USH2A: variants seen among roughly 807,000 people sequenced by gnomAD.
The protein encoded by USH2A is usherin.
In USH2A, 443 loss-of-function variants were observed where a neutral mutation model predicts 538.9. The ratio of observed to expected loss-of-function variants is 0.82; its 90% CI spans 0.76 to 0.89. The LOEUF (loss-of-function observed/expected upper bound fraction) is 0.89. Ranked by LOEUF, USH2A falls within the 40% of genes least tolerant of loss-of-function variation. The probability of loss-of-function intolerance (pLI) is 0.00; values close to 1 mark genes in which losing one functional copy is unlikely to be tolerated. For missense variants in USH2A, 6,633 were observed against 6,324.8 expected (o/e 1.05, Z -1.65); for synonymous variants, 2,413 against 2,273.5 (o/e 1.06, Z -1.75).
intron 9 of USH2A, among the ~76,000 whole-genome samples, chr1:216,300,147 T>C (rs1045219686): frequency 6.6e-6 from 1 of 152,204 alleles, no homozygotes; most frequent in Non-Finnish European, 1.5e-5. Flanking sequence ...GTAAGTGCAT[T>C]ATAAGTAAAT....
At chr1:215,707,834 C>T (rs995364478) in intron 61 of USH2A, among the ~76,000 whole-genome samples, 18 of 152,126 alleles carry the variant, frequency 1.2e-4, no homozygotes, top group African/African-American at 4.3e-4. Flanking sequence ...GAACCAAGCA[C>T]TGAAGGTGTA....
At chr1:216,135,048 G>A (rs2102605398) in intron 21 of USH2A, among the ~76,000 whole-genome samples, 1 of 152,118 alleles carries the variant, frequency 6.6e-6, no homozygotes, top group South Asian at 2.1e-4. Flanking sequence ...ATGAAGTACT[G>A]AGAAGATGGG....
chr1:216,015,865 A>T (rs1668697609), intron 32 of USH2A, among the ~76,000 whole-genome samples: 1 of 152,184 alleles, frequency 6.6e-6, no homozygotes, highest in Admixed American at 6.5e-5. Context: ...AGGATTATAA[A>T]TCATGCTGCT....
chr1:215,825,051 G>A (rs1558115273), intron 47 of USH2A, among the ~76,000 whole-genome samples: 1 of 152,048 alleles, frequency 6.6e-6, no homozygotes, highest in Non-Finnish European at 1.5e-5. Context: ...TCATCATTTT[G>A]GAACTGGAAG....
chr1:216,035,680 A>G (rs1490034470), intron 32 of USH2A, among the ~76,000 whole-genome samples: 1 of 152,180 alleles, frequency 6.6e-6, no homozygotes, highest in Non-Finnish European at 1.5e-5. Context: ...GCCTACCTCA[A>G]TAAAATTGTT....
chr1:215,877,634 C>G, intron 43 of USH2A, 124 bp downstream of exon 43: 1 of 1,459,404 alleles, frequency 6.9e-7, no homozygotes, highest in Non-Finnish European at 9.5e-7. Context: ...AGATAATAAC[C>G]AAACATGTTT....
At chr1:215,805,069 G>C (rs147930976) in intron 49 of USH2A, among the ~76,000 whole-genome samples, 1 of 151,956 alleles carries the variant, frequency 6.6e-6, no homozygotes, top group African/African-American at 2.4e-5. Flanking sequence ...TCACTCATAG[G>C]TGGGAATTGA....
rs1002992994 is a variant in USH2A, at chr1:215,708,788, G to T, written c.12066+19242C>A. On this transcript the variant is annotated intron_variant, in intron 61 of 71. Coordinates refer to ENST00000307340, the MANE Select transcript of USH2A (RefSeq NM_206933.4). ...CCCTCCACTTACCTCCTGCTGTGTGGCTTGGTTCCCAACAGGCCACAGACC... is the reference window on the plus strand; with the variant it reads ...CCCTCCACTTACCTCCTGCTGTGTGTCTTGGTTCCCAACAGGCCACAGACC... Among the ~76,000 whole-genome samples the T allele has an allele frequency of 3.9e-5, 6 of 152,124 alleles. No homozygotes were observed. In the South Asian group the frequency reaches 1.2e-3, roughly 32 times the overall value.
intron 21 of USH2A, among the ~76,000 whole-genome samples, chr1:216,113,153 AAAAC>A (rs1296670073): frequency 2.0e-4 from 27 of 133,882 alleles, no homozygotes; most frequent in East Asian, 6.0e-4. Flanking sequence ...AAAAAAAAAA[AAAAC>A]AAAACAAGAA....
At position 216,422,477 on chromosome 1, in the gene USH2A, C is replaced by T. The variant is rs2039696426; in HGVS notation, c.-141G>A. Reference sequence around the variant, plus strand: ...ATTTTCTGGAAACTGCAGACACGTTCTCAGAGTAAGGTAATACCAACGACG... The same window carrying T: ...ATTTTCTGGAAACTGCAGACACGTTTTCAGAGTAAGGTAATACCAACGACG... On this transcript the variant is annotated 5_prime_UTR_variant, in exon 2 of 72. Coordinates refer to ENST00000307340, the MANE Select transcript of USH2A (RefSeq NM_206933.4). 5 of 1,268,430 alleles carry T rather than the reference C, an allele frequency of 3.9e-6. No individual in the cohort carries two copies. The Admixed American group carries it at 8.1e-5, about 21-fold the overall frequency. The allele number at this position is 1,268,430 out of a possible 1,614,324, so 78.6% of individuals were successfully genotyped here.
At chr1:215,982,971 A>T (rs1030564990) in intron 35 of USH2A, among the ~76,000 whole-genome samples, 2 of 151,988 alleles carry the variant, frequency 1.3e-5, no homozygotes, top group African/African-American at 4.8e-5. Flanking sequence ...ATTTATTGAG[A>T]TGGAGTTTTG....
At chr1:215,880,218 G>A (rs1664871796) in intron 41 of USH2A, among the ~76,000 whole-genome samples, 1 of 152,162 alleles carries the variant, frequency 6.6e-6, no homozygotes, top group Non-Finnish European at 1.5e-5. Flanking sequence ...TTAAAATGGA[G>A]AAGGACTGAC....
At chr1:215,838,151 C>T in intron 46 of USH2A, 48 bp from the exon 47 acceptor site, 1 of 1,426,414 alleles carries the variant, frequency 7.0e-7, no homozygotes, top group Non-Finnish European at 9.9e-7. Flanking sequence ...TTTTGAAATA[C>T]TTACTAACAA....
At chr1:215,816,653 GTCC>G (rs1185937720) in intron 48 of USH2A, among the ~76,000 whole-genome samples, 4 of 151,908 alleles carry the variant, frequency 2.6e-5, no homozygotes, top group African/African-American at 9.7e-5. Flanking sequence ...ATCATAAAAT[GTCC>G]TCCTCACAGT....
chr1:215,733,294 G>A (rs958439212), intron 60 of USH2A, among the ~76,000 whole-genome samples: 1 of 152,064 alleles, frequency 6.6e-6, no homozygotes, highest in African/African-American at 2.4e-5. Flanking sequence ...CTAAGGGCAT[G>A]GTGCTACACC....
chr1:216,255,819 A>C (rs933100959), intron 11 of USH2A, among the ~76,000 whole-genome samples: 4 of 152,144 alleles, frequency 2.6e-5, no homozygotes, highest in African/African-American at 9.7e-5. Context: ...TATTGAGAGA[A>C]GGGTATTGAA....
chr1:216,155,098 C>T (rs1320920488), intron 21 of USH2A, among the ~76,000 whole-genome samples: 2 of 152,094 alleles, frequency 1.3e-5, no homozygotes, highest in Non-Finnish European at 2.9e-5. Context: ...TTGACTCCAT[C>T]TTGCTTCTAA....
At chr1:216,330,443 G>A (rs1173820647) in intron 4 of USH2A, among the ~76,000 whole-genome samples, 1 of 151,982 alleles carries the variant, frequency 6.6e-6, no homozygotes, top group Non-Finnish European at 1.5e-5. Flanking sequence ...GAATGGGAAT[G>A]AGTCATACGT....
At chr1:216,084,962 G>GA (rs1489885443) in intron 24 of USH2A, 85 bp from the exon 25 acceptor site, 4 of 1,373,410 alleles carry the variant, frequency 2.9e-6, no homozygotes, top group Non-Finnish European at 4.1e-6. Context: ...TAAAGTCAAA[G>GA]AAATAGGCAC....
Sources: allele counts gnomAD v4.1 joint callset (sites outside exome capture counted in the v4.1 genomes callset), GRCh38; gene constraint gnomAD v4.1.1; transcripts MANE v1.5; gene names NCBI Gene and HGNC (gene_info 2026-07-23, HGNC 2026-07-21).